The following EPHA6 variants were observed in gnomAD, a reference collection of about 807,000 sequenced individuals.
EPHA6 encodes the protein ephrin type-A receptor 6.
A neutral mutation model predicts 112.0 loss-of-function variants in EPHA6; 50 were observed. The ratio of observed to expected loss-of-function variants is 0.45; its 90% CI spans 0.36 to 0.56. The LOEUF (loss-of-function observed/expected upper bound fraction) is 0.56, where lower values mean the gene tolerates loss of function less well. Ranked by LOEUF, EPHA6 falls within the 20% of genes least tolerant of loss-of-function variation. The probability of loss-of-function intolerance (pLI) is 0.00; values close to 1 mark genes in which losing one functional copy is unlikely to be tolerated. For synonymous variants in EPHA6, 529 were observed against 490.7 expected (o/e 1.08, Z -1.03); for missense variants, 1,280 against 1,417.4 (o/e 0.90, Z 1.56).
chr3:97,492,547 C>CAAAAAAAAAAAAAAAAAAA lies in EPHA6; in HGVS notation c.2200+8517_2200+8535dup, dbSNP rs780244403. 1.4e-4 allele frequency among the ~76,000 whole-genome samples: 4 copies of CAAAAAAAAAAAAAAAAAAA among 28,944 alleles called. 1 individual carries two copies. The highest frequency in any genetic ancestry group is 2.4e-4 in the Non-Finnish European group (3 of 12,638). The allele number at this position is 28,944 out of a possible 152,430, so 19.0% of individuals were successfully genotyped here. The stretch of plus-strand genomic sequence containing the variant: ...ACAGAGCGAGAGTGAGACTCAGTCT[C>CAAAAAAAAAAAAAAAAAAA]AAAAAAAAAAAAAAAAAAAAAAAAA... On this transcript the variant is annotated intron_variant, in intron 10 of 17. Transcript: ENST00000389672.
At chr3:97,542,109 T>C (rs1187920383) in intron 11 of EPHA6, among the ~76,000 whole-genome samples, 1 of 149,656 alleles carries the variant, frequency 6.7e-6, no homozygotes, top group Admixed American at 6.7e-5. Flanking sequence ...TTTTTTTTTA[T>C]ACTTTACGTT....
intron 1 of EPHA6, among the ~76,000 whole-genome samples, chr3:96,820,272 C>T (rs2033147284): frequency 6.6e-6 from 1 of 152,022 alleles, no homozygotes; most frequent in Non-Finnish European, 1.5e-5. Context: ...CTAGATAAAG[C>T]ATGAATCTAT....
At chr3:97,671,912 A>C (rs1210025003) in intron 14 of EPHA6, among the ~76,000 whole-genome samples, 1 of 152,128 alleles carries the variant, frequency 6.6e-6, no homozygotes, top group Non-Finnish European at 1.5e-5. Context: ...CTCTATGTAC[A>C]CTGCAAAGTT....
intron 2 of EPHA6, among the ~76,000 whole-genome samples, chr3:96,875,424 C>T (rs980791449): frequency 2.0e-5 from 3 of 152,058 alleles, no homozygotes; most frequent in African/African-American, 7.2e-5. Context: ...CAGAATATTC[C>T]TTCCTGTACA....
chr3:97,157,553 T>C (rs955420415), intron 3 of EPHA6, among the ~76,000 whole-genome samples: 4 of 152,108 alleles, frequency 2.6e-5, no homozygotes, highest in Non-Finnish European at 5.9e-5. Flanking sequence ...AGAGTGATTA[T>C]AATATATTGA....
At chr3:97,646,152 C>A (rs1342642343) in intron 14 of EPHA6, 1 of 1,534,472 alleles carries the variant, frequency 6.5e-7, no homozygotes, top group Non-Finnish European at 8.7e-7. Flanking sequence ...GCAATCAGAA[C>A]TGGTTAAAGA....
chr3:97,328,048 T>C (rs2082559403), intron 5 of EPHA6, among the ~76,000 whole-genome samples: 1 of 69,174 alleles, frequency 1.4e-5, no homozygotes, highest in Non-Finnish European at 2.9e-5. Context: ...TACACACATA[T>C]ATACACATAT....
chr3:97,676,989 C>G (rs1267653816), intron 14 of EPHA6, among the ~76,000 whole-genome samples: 1 of 152,104 alleles, frequency 6.6e-6, no homozygotes, highest in Admixed American at 6.6e-5. Context: ...CCACATATAT[C>G]TATTGAACAC....
intron 7 of EPHA6, among the ~76,000 whole-genome samples, chr3:97,467,870 T>C (rs562107757): frequency 6.6e-6 from 1 of 151,760 alleles, no homozygotes; most frequent in East Asian, 1.9e-4. Flanking sequence ...AAGAATCTCT[T>C]AAAATAAAAA....
At chr3:97,381,843 A>G (rs1001246931) in intron 5 of EPHA6, among the ~76,000 whole-genome samples, 17 of 152,222 alleles carry the variant, frequency 1.1e-4, no homozygotes, top group African/African-American at 3.8e-4. Flanking sequence ...GCAGCTTACA[A>G]TCCTTTCACC....
At chr3:97,041,638 T>C (rs2045319269) in intron 3 of EPHA6, among the ~76,000 whole-genome samples, 1 of 152,066 alleles carries the variant, frequency 6.6e-6, no homozygotes, top group Admixed American at 6.6e-5. Flanking sequence ...AAAGACTACC[T>C]GAGACTGGGT....
chr3:97,736,266 G>GA (rs1407661595), intron 16 of EPHA6, 148 bp downstream of exon 16: 11 of 523,642 alleles, frequency 2.1e-5, no homozygotes, highest in Non-Finnish European at 3.6e-5. Context: ...TTTATCAGCT[G>GA]AAAAAAAGAA....
intron 3 of EPHA6, among the ~76,000 whole-genome samples, chr3:97,154,655 T>C (rs1318214859): frequency 6.6e-6 from 1 of 152,206 alleles, no homozygotes; most frequent in Non-Finnish European, 1.5e-5. Flanking sequence ...ATTTTATTGC[T>C]TGTGTAATAA....
At chr3:97,532,961 T>G (rs2092712279) in intron 11 of EPHA6, among the ~76,000 whole-genome samples, 1 of 152,020 alleles carries the variant, frequency 6.6e-6, no homozygotes, top group African/African-American at 2.4e-5. Flanking sequence ...TAAACAAAAA[T>G]TCGGCATGGA....
At chr3:96,815,987 C>G (rs2032748034) in intron 1 of EPHA6, among the ~76,000 whole-genome samples, 1 of 152,068 alleles carries the variant, frequency 6.6e-6, no homozygotes, top group Non-Finnish European at 1.5e-5. Context: ...GTGTGGTAGT[C>G]AGTTATAGTT....
At chr3:97,650,583 T>A (rs190879146) in intron 14 of EPHA6, among the ~76,000 whole-genome samples, 49 of 152,108 alleles carry the variant, frequency 3.2e-4, no homozygotes, top group Admixed American at 9.2e-4. Flanking sequence ...CAGTCATATA[T>A]ACTATTAAGA....
chr3:97,606,068 TA>T (rs2093678115), intron 12 of EPHA6: 1 of 151,416 alleles, frequency 6.6e-6, no homozygotes, highest in South Asian at 2.1e-4. Context: ...CCAAGCAATT[TA>T]GACGTTAATT....
intron 2 of EPHA6, among the ~76,000 whole-genome samples, chr3:96,914,037 A>C (rs1175315119): frequency 6.6e-6 from 1 of 152,128 alleles, no homozygotes; most frequent in Admixed American, 6.6e-5. Context: ...AACGATATGA[A>C]TTTCTCTTAT....
intron 14 of EPHA6, among the ~76,000 whole-genome samples, chr3:97,662,592 A>G (rs1022165520): frequency 1.8e-4 from 28 of 152,306 alleles, no homozygotes; most frequent in Non-Finnish European, 3.5e-4. Flanking sequence ...TCCTTCAGCT[A>G]ATTTCCCTTA....
Sources: allele counts gnomAD v4.1 joint callset (sites outside exome capture counted in the v4.1 genomes callset), GRCh38; gene constraint gnomAD v4.1.1; transcripts MANE v1.5; gene names NCBI Gene and HGNC (gene_info 2026-07-23, HGNC 2026-07-21).